The following PAPSS2 variants were observed in gnomAD, a reference collection of about 807,000 sequenced individuals.
PAPSS2 encodes bifunctional 3'-phosphoadenosine 5'-phosphosulfate synthase 2.
A neutral mutation model predicts 66.5 loss-of-function variants in PAPSS2; 61 were observed. That is an observed-to-expected ratio of 0.92 (90% CI 0.75 to 1.14). The LOEUF is 1.14. PAPSS2 is among the 50% of genes most tolerant of loss of function. The pLI is 0.00. For missense variants in PAPSS2, 708 were observed against 789.6 expected (o/e 0.90, Z 1.24); for synonymous variants, 289 against 287.5 (o/e 1.01, Z -0.05).
rs377730325 is a variant in PAPSS2, at chr10:87,707,944, T to C, written c.28-1252T>C. On this transcript the variant is annotated intron_variant, in intron 1 of 12. Coordinates refer to ENST00000456849, the MANE Select transcript of PAPSS2 (RefSeq NM_001015880.2). ...TCTGGTGGGTATGCAAGTGTAATAT[T>C]TAAAAGGCTCATAGATTTTTACAGT... Among the ~76,000 whole-genome samples, 6 of 152,342 alleles carry C rather than the reference T, an allele frequency of 3.9e-5. No homozygotes were observed. In the East Asian group the frequency reaches 1.2e-3, roughly 29 times the overall value.
intron 12 of PAPSS2, 49 bp from the exon 13 acceptor site, chr10:87,745,783 G>GC: frequency 6.2e-7 from 1 of 1,602,544 alleles, no homozygotes; most frequent in Non-Finnish European, 8.5e-7. Flanking sequence ...AATCCTTAAG[G>GC]CAGATATCAT....
Position 87,745,851 on chromosome 10 carries a change from A to G in PAPSS2, c.1741A>G (p.Ile581Val), listed in dbSNP as rs372168426. ...TAACAGGCACAATGAGTTTGACTTC[A>G]TCTCAGGAACTCGAATGAGGAAGCT... ...DPARHNEFDF[I>V]SGTRMRKLAR... Residue 581 changes from isoleucine to valine, a missense_variant, in exon 13 of 13, where the codon ATC becomes GTC. By Grantham distance (29) the Ile-to-Val change is conservative (BLOSUM62 3). Transcript: ENST00000456849. The G allele has an allele frequency of 7.4e-6, 12 of 1,613,946 alleles. No homozygotes were observed. The African/African-American group carries it at 1.5e-4, about 20-fold the overall frequency.
chr10:87,673,556 G>A (rs1852905863), intron 1 of PAPSS2, among the ~76,000 whole-genome samples: 2 of 141,638 alleles, frequency 1.4e-5, no homozygotes, highest in South Asian at 4.5e-4. Context: ...AGCTGTGTGT[G>A]TGTTTGTGTG....
At chr10:87,676,910 AAG>A in intron 1 of PAPSS2, among the ~76,000 whole-genome samples, 1 of 144,322 alleles carries the variant, frequency 6.9e-6, no homozygotes, top group Non-Finnish European at 1.5e-5. Context: ...AAAAAAAAAA[AAG>A]GCCGGATGCA....
chr10:87,743,962 C>G (rs1015924150), intron 11 of PAPSS2, among the ~76,000 whole-genome samples: 8 of 152,076 alleles, frequency 5.3e-5, no homozygotes, highest in Non-Finnish European at 1.2e-4. Context: ...ATTAGCTGGG[C>G]ATAGTGGCAT....
chr10:87,699,013 C>T (rs1003294817), intron 1 of PAPSS2, among the ~76,000 whole-genome samples: 4 of 152,206 alleles, frequency 2.6e-5, no homozygotes, highest in African/African-American at 9.7e-5. Context: ...TTGAATGAAA[C>T]AGCCTTCTTG....
chr10:87,727,522 G>A (rs763447246), intron 9 of PAPSS2, 33 bp downstream of exon 9: 3 of 1,545,538 alleles, frequency 1.9e-6, no homozygotes, highest in African/African-American at 2.7e-5. Flanking sequence ...GGACTTTCTT[G>A]AGCTATTTAA....
chr10:87,667,400 A>G (rs1852827666), intron 1 of PAPSS2, among the ~76,000 whole-genome samples: 1 of 152,128 alleles, frequency 6.6e-6, no homozygotes, highest in South Asian at 2.1e-4. Context: ...GCAGTCAGCC[A>G]TGATCATGCC....
chr10:87,692,885 C>CA (rs1853188497), intron 1 of PAPSS2, among the ~76,000 whole-genome samples: 1 of 152,146 alleles, frequency 6.6e-6, no homozygotes, highest in South Asian at 2.1e-4. Flanking sequence ...AGAGGATAAA[C>CA]ACTGAAGATC....
intron 1 of PAPSS2, among the ~76,000 whole-genome samples, chr10:87,703,483 A>G (rs190401733): frequency 8.7e-4 from 132 of 152,244 alleles, no homozygotes; most frequent in Non-Finnish European, 1.5e-3. Context: ...ACCTGGACTG[A>G]TCAGATCCAA....
chr10:87,679,977 C>G (rs1218940296), intron 1 of PAPSS2, among the ~76,000 whole-genome samples: 2 of 149,520 alleles, frequency 1.3e-5, no homozygotes, highest in Non-Finnish European at 3.0e-5. Context: ...AGTGAGCCAC[C>G]ATGATCGTGC....
intron 1 of PAPSS2, chr10:87,703,731 CAG>C (rs754847964): frequency 4.3e-4 from 225 of 518,894 alleles, no homozygotes; most frequent in Non-Finnish European, 7.1e-4. Context: ...ATGCATGCTA[CAG>C]AGAGTTTTTC....
intron 1 of PAPSS2, among the ~76,000 whole-genome samples, chr10:87,686,012 G>A (rs898307761): frequency 1.3e-5 from 2 of 152,132 alleles, no homozygotes; most frequent in Non-Finnish European, 2.9e-5. Flanking sequence ...GAGAGAGCAG[G>A]AAGGAGGTCT....
rs563047347 is a variant in PAPSS2 at position 87,737,533 on chromosome 10, C to T, written c.1087-3702C>T. Among the ~76,000 whole-genome samples, 3 of 152,226 alleles carry T rather than the reference C, an allele frequency of 2.0e-5. No homozygotes were observed. In the East Asian group the frequency reaches 5.8e-4, roughly 29 times the overall value. Reference sequence around the variant, plus strand: ...TGGAAACTCTACACCCATTAAACAACTCCCGCGGTCAGGCATGGTGGCTCA... The same window carrying T: ...TGGAAACTCTACACCCATTAAACAATTCCCGCGGTCAGGCATGGTGGCTCA... On this transcript the variant is annotated intron_variant, in intron 9 of 12. Coordinates refer to ENST00000456849, the MANE Select transcript of PAPSS2 (RefSeq NM_001015880.2).
In PAPSS2 at chr10:87,714,138, A is replaced by T; in HGVS notation, c.476A>T (p.Asp159Val). 1 of 1,613,910 alleles carries T rather than the reference A, an allele frequency of 6.2e-7. No individual in the cohort carries two copies. Among genetic ancestry groups the T allele is most frequent in the Non-Finnish European group, 8.5e-7 (1 of 1,179,852 alleles). Residue 159 changes from aspartate (D) to valine (V), a missense_variant, in exon 4 of 13, where the codon GAC becomes GTC. Asp to Val is a radical substitution (Grantham distance 152). Transcript: ENST00000456849. ...CCTCTAAATATTTGTGAAAGCAGAG[A>T]CGTAAAAGGCCTCTATAAAAGGGCC... ...DAPLNICESR[D>V]VKGLYKRARA...
chr10:87,687,859 T>C (rs1853107958), intron 1 of PAPSS2, among the ~76,000 whole-genome samples: 1 of 151,952 alleles, frequency 6.6e-6, no homozygotes, highest in South Asian at 2.1e-4. Flanking sequence ...GAGAGAAGAA[T>C]ACAAAAAATG....
At chr10:87,742,535 GAA>G (rs1270202323) in intron 10 of PAPSS2, among the ~76,000 whole-genome samples, 1 of 151,908 alleles carries the variant, frequency 6.6e-6, no homozygotes, top group East Asian at 1.9e-4. Context: ...TTATAATATT[GAA>G]AGTATTCATT....
At chr10:87,728,674 C>T (rs1314549065) in intron 9 of PAPSS2, among the ~76,000 whole-genome samples, 8 of 151,614 alleles carry the variant, frequency 5.3e-5, no homozygotes, top group African/African-American at 9.7e-5. Context: ...CAGGAGGCAG[C>T]GGTTGCAGTG....
intron 1 of PAPSS2, among the ~76,000 whole-genome samples, chr10:87,692,105 G>A (rs921932272): frequency 2.0e-5 from 3 of 151,942 alleles, no homozygotes; most frequent in African/African-American, 7.2e-5. Flanking sequence ...TGCAAGACTT[G>A]ATAGATTAAT....
Sources: gnomAD v4.1 joint callset for allele counts (sites outside exome capture counted in the v4.1 genomes callset) on GRCh38, gnomAD v4.1.1 for gene constraint, MANE v1.5 for transcripts, NCBI Gene and HGNC (gene_info 2026-07-23, HGNC 2026-07-21) for gene names.